The following NDRG1 variants were observed in gnomAD, a reference collection of about 807,000 sequenced individuals.
NDRG1 encodes the protein N-myc downstream regulated 1, also known as protein NDRG1.
A neutral mutation model predicts 56.9 loss-of-function variants in NDRG1; 32 were observed. The ratio of observed to expected loss-of-function variants is 0.56; its 90% CI spans 0.42 to 0.76. The LOEUF (loss-of-function observed/expected upper bound fraction) is 0.76, where lower values mean the gene tolerates loss of function less well. Among genes scored for constraint, NDRG1 ranks in the 30% least tolerant of loss-of-function variants. NDRG1 has a pLI of 0.00. For synonymous variants in NDRG1, 211 were observed against 204.1 expected, an observed-to-expected ratio of 1.03 and a Z score of -0.29; for missense variants, 507 against 545.7, an observed-to-expected ratio of 0.93 and a Z score of 0.71.
chr8:133,279,418 C>T (rs1019661979), intron 3 of NDRG1, among the ~76,000 whole-genome samples: 1 of 152,156 alleles, frequency 6.6e-6, no homozygotes, highest in Admixed American at 6.5e-5. Context: ...AGAGGAAAAG[C>T]GGAGTTGTTT....
intron 3 of NDRG1, among the ~76,000 whole-genome samples, chr8:133,270,088 C>G (rs1421737959): frequency 6.6e-6 from 1 of 152,264 alleles, no homozygotes; most frequent in African/African-American, 2.4e-5. Context: ...GCTGCCTCCC[C>G]AGCCAGGCCG....
At chr8:133,273,688 C>T (rs1326941705) in intron 3 of NDRG1, among the ~76,000 whole-genome samples, 1 of 152,176 alleles carries the variant, frequency 6.6e-6, no homozygotes, top group African/African-American at 2.4e-5. Context: ...TTGGCAAGTT[C>T]CCTAACATCT....
At chr8:133,250,793 A>T (rs1855977856) in intron 9 of NDRG1, among the ~76,000 whole-genome samples, 1 of 152,000 alleles carries the variant, frequency 6.6e-6, no homozygotes, top group Non-Finnish European at 1.5e-5. Context: ...CACCCTTCCA[A>T]ACTCATTACT....
intron 7 of NDRG1, 122 bp from the exon 8 acceptor site, chr8:133,256,985 G>C (rs1856410304): frequency 2.2e-6 from 2 of 916,774 alleles, no homozygotes; most frequent in Admixed American, 4.0e-5. Flanking sequence ...AGCAGAGCAG[G>C]CTGCTGCTCC....
intron 1 of NDRG1, among the ~76,000 whole-genome samples, chr8:133,288,872 A>G (rs1009689582): frequency 1.3e-5 from 2 of 152,096 alleles, no homozygotes; most frequent in Non-Finnish European, 2.9e-5. Context: ...CTTAGCACCA[A>G]AAACAGGGCT....
At chr8:133,292,976 AAGTCAAAGATCTG>A (rs1858508696) in intron 1 of NDRG1, among the ~76,000 whole-genome samples, 1 of 152,204 alleles carries the variant, frequency 6.6e-6, no homozygotes, top group South Asian at 2.1e-4. Flanking sequence ...TTAGGTGGGA[AAGTCAAAGATCTG>A]GGTCAAAGAG....
intron 13 of NDRG1, chr8:133,244,771 TA>T (rs1855576222): frequency 2.7e-6 from 1 of 373,234 alleles, no homozygotes; most frequent in Non-Finnish European, 5.1e-6. Context: ...AAGGGTTTGA[TA>T]AACAAGACCC....
At chr8:133,252,825 A>C (rs1237387197) in intron 9 of NDRG1, among the ~76,000 whole-genome samples, 2,681 of 45,718 alleles carry the variant, frequency 0.059, no homozygotes, top group African/African-American at 0.068. Flanking sequence ...CAGAGTGGGG[A>C]CTCTATTCCC....
chr8:133,250,416 T>C (rs1385967959), intron 10 of NDRG1, 24 bp downstream of exon 10: 1 of 1,581,532 alleles, frequency 6.3e-7, no homozygotes. Flanking sequence ...ATAGCAATGA[T>C]GTGGCTGAAC....
intron 3 of NDRG1, among the ~76,000 whole-genome samples, chr8:133,269,205 A>AC (rs927956280): frequency 6.6e-6 from 1 of 151,744 alleles, no homozygotes; most frequent in Non-Finnish European, 1.5e-5. Context: ...CTCATGAGGG[A>AC]CCCCCCAACT....
At chr8:133,259,285 C>A in intron 5 of NDRG1, 55 bp from the exon 6 acceptor site, 1 of 1,542,368 alleles carries the variant, frequency 6.5e-7, no homozygotes, top group South Asian at 1.1e-5. Flanking sequence ...ACGGGTAATC[C>A]AAACAGGGAC....
Position 133,239,066 on chromosome 8 carries a change from T to A in NDRG1, c.997A>T (p.Ser333Cys). 1 of 1,586,194 alleles carries A rather than the reference T, an allele frequency of 6.3e-7. No homozygotes were observed. ...LMRSRTASGS[S>C]VTSLDGTRSR... Reference sequence around the variant, plus strand: ...CGGGTGCCATCCAGAGAAGTGACGCTGGAACCAGAGGCTGTGCGGGACCGC... The same window carrying A: ...CGGGTGCCATCCAGAGAAGTGACGCAGGAACCAGAGGCTGTGCGGGACCGC... Residue 333 changes from serine (S) to cysteine (C), a missense_variant, in exon 16 of 16, where the codon AGC becomes TGC. By Grantham distance (112) the Ser-to-Cys change is moderately radical. Coordinates refer to ENST00000323851, the MANE Select transcript of NDRG1 (RefSeq NM_006096.4).
At chr8:133,271,844 G>A (rs1029522114) in intron 3 of NDRG1, among the ~76,000 whole-genome samples, 5 of 78,274 alleles carry the variant, frequency 6.4e-5, no homozygotes, top group Admixed American at 4.7e-4. Flanking sequence ...GATAACCAGG[G>A]GAGGTGTGTG....
rs542414640 is a variant in NDRG1 at position 133,273,972 on chromosome 8, G to A, written c.99+6260C>T. Among the ~76,000 whole-genome samples the A allele has an allele frequency of 3.2e-3, 482 of 152,258 alleles. 2 individuals carry two copies. Among genetic ancestry groups the A allele is most frequent in the Middle Eastern group, 6.8e-3 (2 of 294 alleles). Reference sequence around the variant, plus strand: ...TGCTGGAGGCCTCTCAGCCGAGCCAGATCAGACCGTGTCCTTCCTGCAACC... The same window carrying A: ...TGCTGGAGGCCTCTCAGCCGAGCCAAATCAGACCGTGTCCTTCCTGCAACC... On this transcript the variant is annotated intron_variant, in intron 3 of 15. Transcript: ENST00000323851.
chr8:133,259,183 A>T lies in NDRG1; in HGVS notation c.374T>A (p.Val125Asp). ...MDQLAEMLPG[V>D]LQQFGLKSII... is the part of the protein sequence containing the mutation. ...TCGCTCTTACCCAAACTGTTGAAGG[A>T]CTCCAGGAAGCATTTCAGCCAGCTG... The change falls in exon 6 of 16, where the codon GTC becomes GAC. Residue 125 changes from valine (V) to aspartate (D), a missense_variant. By Grantham distance (152) the Val-to-Asp change is radical (BLOSUM62 -3). Coordinates refer to ENST00000323851, the MANE Select transcript of NDRG1 (RefSeq NM_006096.4). 1 of 1,614,120 alleles carries T rather than the reference A, an allele frequency of 6.2e-7. No homozygotes were observed. The highest frequency in any genetic ancestry group is 8.5e-7 in the Non-Finnish European group (1 of 1,180,022).
intron 3 of NDRG1, among the ~76,000 whole-genome samples, chr8:133,278,325 A>G (rs1857574560): frequency 6.6e-6 from 1 of 151,926 alleles, no homozygotes; most frequent in Non-Finnish European, 1.5e-5. Flanking sequence ...CATAACTCTT[A>G]GCTGCCCCAC....
intron 2 of NDRG1, among the ~76,000 whole-genome samples, chr8:133,280,547 C>G (rs760232952): frequency 1.8e-4 from 27 of 152,006 alleles, no homozygotes; most frequent in Admixed American, 8.5e-4. Flanking sequence ...CCTCAGCCTC[C>G]TGAGTAGCTG....
intron 11 of NDRG1, 60 bp from the exon 12 acceptor site, chr8:133,247,986 C>A (rs1019514015): frequency 1.1e-5 from 17 of 1,541,212 alleles, no homozygotes; most frequent in Non-Finnish European, 1.5e-5. Context: ...TGTCCCACTC[C>A]CAGGCCTGCC....
intron 13 of NDRG1, among the ~76,000 whole-genome samples, chr8:133,245,026 G>A (rs1237958522): frequency 6.6e-6 from 1 of 152,164 alleles, no homozygotes; most frequent in Non-Finnish European, 1.5e-5. Flanking sequence ...AAACGGGGCT[G>A]GAGGAGTTCA....
Sources: gnomAD v4.1 joint callset for allele counts (sites outside exome capture counted in the v4.1 genomes callset) on GRCh38, gnomAD v4.1.1 for gene constraint, MANE v1.5 for transcripts, NCBI Gene and HGNC (gene_info 2026-07-23, HGNC 2026-07-21) for gene names.